Variants in SLC25A21 observed in about 807,000 individuals in gnomAD.
The protein encoded by SLC25A21 is solute carrier family 25 member 21.
In SLC25A21, 47 loss-of-function variants were observed where a neutral mutation model predicts 43.8. The ratio of observed to expected loss-of-function variants is 1.07; its 90% confidence interval spans 0.85 to 1.37. The LOEUF (loss-of-function observed/expected upper bound fraction) is 1.37, where lower values mean the gene tolerates loss of function less well. SLC25A21 is among the 40% of genes most tolerant of loss of function. The pLI is 0.00. For synonymous variants in SLC25A21, 131 were observed against 121.3 expected, an observed-to-expected ratio of 1.08 and a Z score of -0.52; for missense variants, 352 against 350.2, an observed-to-expected ratio of 1.00 and a Z score of -0.04.
Position 36,903,614 on chromosome 14 carries a change from GAAAAAAAAA to G in SLC25A21, c.71-28619_71-28611del, listed in dbSNP as rs71124784. ...GGTGACAGAGTGAGACTCCGTCTCA[GAAAAAAAAA>G]AAAAAAAAAAAAAAAAAAAATTGGT... On this transcript the variant is annotated intron_variant, in intron 1 of 9. Transcript: ENST00000331299. 1.0e-3 allele frequency among the ~76,000 whole-genome samples: 52 copies of G among 50,460 alleles called. 1 individual carries two copies. The South Asian group carries it at 0.035, about 34-fold the overall frequency. The allele number at this position is 50,460 out of a possible 152,430, so 33.1% of individuals were successfully genotyped here.
chr14:37,044,066 G>A (rs893473394), intron 1 of SLC25A21, among the ~76,000 whole-genome samples: 4 of 150,482 alleles, frequency 2.7e-5, no homozygotes, highest in African/African-American at 9.8e-5. Flanking sequence ...TTACAGGCTT[G>A]AGCCATCACA....
At chr14:36,892,282 T>C (rs1320346486) in intron 1 of SLC25A21, among the ~76,000 whole-genome samples, 1 of 152,182 alleles carries the variant, frequency 6.6e-6, no homozygotes, top group African/African-American at 2.4e-5. Flanking sequence ...TAAATCAGTA[T>C]GTTGAAAACA....
intron 1 of SLC25A21, among the ~76,000 whole-genome samples, chr14:37,068,428 A>AT (rs1189138949): frequency 3.9e-5 from 6 of 151,996 alleles, no homozygotes; most frequent in African/African-American, 9.6e-5. Flanking sequence ...AGGTATGATG[A>AT]TTTTTTTTGC....
At chr14:37,055,034 GC>G (rs1961790467) in intron 1 of SLC25A21, among the ~76,000 whole-genome samples, 1 of 152,180 alleles carries the variant, frequency 6.6e-6, no homozygotes, top group South Asian at 2.1e-4. Flanking sequence ...GACCTTCATG[GC>G]TATGCTCCTG....
chr14:37,160,321 C>A (rs1199194167), intron 1 of SLC25A21, among the ~76,000 whole-genome samples: 1 of 152,128 alleles, frequency 6.6e-6, no homozygotes, highest in Non-Finnish European at 1.5e-5. Context: ...AACCAAAGTG[C>A]CCATGAAAAG....
At chr14:36,728,122 T>C (rs1256433879) in intron 5 of SLC25A21, among the ~76,000 whole-genome samples, 2 of 152,190 alleles carry the variant, frequency 1.3e-5, no homozygotes, top group African/African-American at 2.4e-5. Flanking sequence ...CGGTTTCCAG[T>C]CTCCTAGGCT....
At chr14:36,987,909 G>A (rs191174924) in intron 1 of SLC25A21, among the ~76,000 whole-genome samples, 11 of 152,266 alleles carry the variant, frequency 7.2e-5, no homozygotes, top group Admixed American at 7.2e-4. Flanking sequence ...TTTCATATGG[G>A]CTTGGCCATT....
chr14:36,755,464 G>A (rs928418644), intron 3 of SLC25A21, among the ~76,000 whole-genome samples: 1 of 152,154 alleles, frequency 6.6e-6, no homozygotes, highest in Non-Finnish European at 1.5e-5. Flanking sequence ...GTGCCCTGTG[G>A]TGGCGGTCAT....
Position 36,680,059 on chromosome 14 carries a change from T to C in SLC25A21, c.*599A>G, listed in dbSNP as rs1229046188. 8.1e-6 allele frequency: 7 copies of C among 863,588 alleles called. No individual in the cohort carries two copies. The highest frequency in any genetic ancestry group is 8.3e-6 in the Non-Finnish European group (6 of 719,978). 53.5% of individuals were successfully genotyped at this position (863,588 alleles called of 1,614,324 possible). A position where few individuals can be genotyped will look rare whatever the true frequency, so the allele number is the denominator to read the frequency against. On this transcript the variant is annotated 3_prime_UTR_variant, in exon 10 of 10. Transcript: ENST00000331299. ...GATGTAGGAAAATAGAGCTGATATG[T>C]GCATAGTTACTAAAAAAAACCAACA...
intron 1 of SLC25A21, among the ~76,000 whole-genome samples, chr14:36,887,795 T>C: frequency 6.6e-6 from 1 of 152,196 alleles, no homozygotes; most frequent in East Asian, 1.9e-4. Context: ...TATATTTTTC[T>C]CTTCTCAGAA....
At chr14:36,958,718 C>T (rs1288013961) in intron 1 of SLC25A21, among the ~76,000 whole-genome samples, 3 of 138,996 alleles carry the variant, frequency 2.2e-5, no homozygotes, top group East Asian at 4.1e-4. Context: ...CACACACACA[C>T]ATGCAACAGA....
chr14:37,014,692 A>T (rs1594752837), intron 1 of SLC25A21, among the ~76,000 whole-genome samples: 1 of 152,160 alleles, frequency 6.6e-6, no homozygotes, highest in Non-Finnish European at 1.5e-5. Flanking sequence ...TTTTGCCCAG[A>T]TCCATCAGAA....
intron 1 of SLC25A21, among the ~76,000 whole-genome samples, chr14:36,945,732 G>T (rs79112386): frequency 1.3e-5 from 2 of 152,110 alleles, no homozygotes; most frequent in Admixed American, 1.3e-4. Context: ...TGGGGAGCTA[G>T]TGCTTAATGG....
At chr14:36,960,420 A>G (rs1959460249) in intron 1 of SLC25A21, among the ~76,000 whole-genome samples, 1 of 152,088 alleles carries the variant, frequency 6.6e-6, no homozygotes, top group South Asian at 2.1e-4. Flanking sequence ...GAACTGAGGG[A>G]GGTAAGTAAG....
chr14:36,819,419 C>G (rs1888554776), intron 2 of SLC25A21, among the ~76,000 whole-genome samples: 1 of 152,050 alleles, frequency 6.6e-6, no homozygotes, highest in Non-Finnish European at 1.5e-5. Context: ...AGAATCATGA[C>G]TGCAGCATTT....
intron 1 of SLC25A21, among the ~76,000 whole-genome samples, chr14:36,970,307 T>C (rs901909306): frequency 5.9e-5 from 9 of 152,204 alleles, no homozygotes; most frequent in African/African-American, 2.2e-4. Flanking sequence ...ATAACCAGAA[T>C]AGGTGCTCAA....
intron 3 of SLC25A21, among the ~76,000 whole-genome samples, chr14:36,788,478 C>A (rs750080497): frequency 1.3e-5 from 2 of 149,906 alleles, no homozygotes; most frequent in Non-Finnish European, 3.0e-5. Flanking sequence ...GCTGGGTACG[C>A]CATTTCTCCA....
intron 2 of SLC25A21, among the ~76,000 whole-genome samples, chr14:36,829,977 A>G (rs555413837): frequency 6.6e-6 from 1 of 151,898 alleles, no homozygotes; most frequent in South Asian, 2.1e-4. Flanking sequence ...AGAGCTGACT[A>G]TTGCTTTCTA....
intron 1 of SLC25A21, among the ~76,000 whole-genome samples, chr14:37,042,048 TG>T (rs1961484606): frequency 6.6e-6 from 1 of 152,180 alleles, no homozygotes; most frequent in Non-Finnish European, 1.5e-5. Context: ...GTGCTTCCCG[TG>T]TAAGTTTTTT....
Sources: gnomAD v4.1 joint callset for allele counts (sites outside exome capture counted in the v4.1 genomes callset) on GRCh38, gnomAD v4.1.1 for gene constraint, MANE v1.5 for transcripts, NCBI Gene and HGNC (gene_info 2026-07-23, HGNC 2026-07-21) for gene names.